Variants in PXDNL observed in about 807,000 individuals in gnomAD.
The protein encoded by PXDNL is probable oxidoreductase PXDNL.
A neutral mutation model predicts 150.8 loss-of-function variants in PXDNL; 145 were observed. The observed-to-expected ratio is 0.96, with a 90% CI of 0.84 to 1.10. PXDNL has a LOEUF of 1.10. PXDNL is among the 50% of genes least tolerant of loss of function. PXDNL has a pLI of 0.00. For missense variants in PXDNL, 2,087 were observed against 1,873.9 expected (o/e 1.11, Z -2.10); for synonymous variants, 757 against 725.7 (o/e 1.04, Z -0.69).
At chr8:51,801,163 T>C (rs758468232) in intron 1 of PXDNL, among the ~76,000 whole-genome samples, 1 of 152,134 alleles carries the variant, frequency 6.6e-6, no homozygotes, top group Non-Finnish European at 1.5e-5. Flanking sequence ...GGGAGGTCTA[T>C]AAACAGCCGC....
At chr8:51,552,449 A>C (rs887524501) in intron 4 of PXDNL, among the ~76,000 whole-genome samples, 1 of 152,180 alleles carries the variant, frequency 6.6e-6, no homozygotes, top group Admixed American at 6.5e-5. Flanking sequence ...TCAACCAACA[A>C]GTGGAAAACG....
At chr8:51,327,135 A>G (rs1008993864) in intron 21 of PXDNL, among the ~76,000 whole-genome samples, 4 of 152,334 alleles carry the variant, frequency 2.6e-5, no homozygotes, top group Admixed American at 2.0e-4. Flanking sequence ...GGAAGATTGA[A>G]AAACTGTGGA....
intron 1 of PXDNL, among the ~76,000 whole-genome samples, chr8:51,749,142 T>G (rs1452455000): frequency 6.6e-6 from 1 of 152,312 alleles, no homozygotes; most frequent in South Asian, 2.1e-4. Context: ...TTGATACTAA[T>G]TATGTAGTAC....
chr8:51,767,380 A>T (rs4626585), intron 1 of PXDNL, among the ~76,000 whole-genome samples: 27,243 of 151,868 alleles, frequency 0.18, 2,853 homozygotes, highest in Non-Finnish European at 0.22. Context: ...TTGCTGCTTG[A>T]TTAGTGATTT....
chr8:51,368,863 G>C (rs1807003169), intron 19 of PXDNL, among the ~76,000 whole-genome samples: 1 of 152,090 alleles, frequency 6.6e-6, no homozygotes. Context: ...GGGCGCAGTG[G>C]TGCGGGCCTG....
chr8:51,606,244 C>G (rs1813836108), intron 2 of PXDNL, among the ~76,000 whole-genome samples: 2 of 152,122 alleles, frequency 1.3e-5, no homozygotes, highest in Admixed American at 1.3e-4. Flanking sequence ...AAAGAGATCT[C>G]AAAAGTTATT....
chr8:51,703,327 C>A (rs534984794), intron 1 of PXDNL, among the ~76,000 whole-genome samples: 31 of 151,456 alleles, frequency 2.0e-4, no homozygotes, highest in Admixed American at 3.9e-4. Flanking sequence ...TTCTTATTAA[C>A]ATCTGTGCAC....
intron 4 of PXDNL, among the ~76,000 whole-genome samples, chr8:51,552,774 T>C (rs1249202428): frequency 6.6e-6 from 1 of 152,144 alleles, no homozygotes; most frequent in Non-Finnish European, 1.5e-5. Flanking sequence ...AAATTACCAC[T>C]AAAGAATTTA....
Position 51,346,046 on chromosome 8 carries a change from A to G in PXDNL, c.3902-99T>C, listed in dbSNP as rs1213596282. The G allele has an allele frequency of 8.4e-6, 6 of 715,434 alleles. No individual in the cohort carries two copies. In the African/African-American group the frequency reaches 1.1e-4, roughly 13 times the overall value. The allele number at this position is 715,434 out of a possible 1,614,324, so 44.3% of individuals were successfully genotyped here. A position where few individuals can be genotyped will look rare whatever the true frequency, so the allele number is the denominator to read the frequency against. On this transcript the variant is annotated intron_variant, in intron 19 of 22. Coordinates refer to ENST00000356297, the MANE Select transcript of PXDNL (RefSeq NM_144651.5). ...AACAGTCAGAGAGGGCAAGAGTACCAAGAAGAAAGAGTAGAGAGCGAGAGT... is the reference window on the plus strand; with the variant it reads ...AACAGTCAGAGAGGGCAAGAGTACCGAGAAGAAAGAGTAGAGAGCGAGAGT...
chr8:51,572,774 A>G (rs574103713), intron 3 of PXDNL, among the ~76,000 whole-genome samples: 10 of 152,008 alleles, frequency 6.6e-5, no homozygotes, highest in Non-Finnish European at 1.5e-4. Context: ...GACAGCTGTG[A>G]TTATTAACTA....
chr8:51,778,480 A>AT (rs2037379037), intron 1 of PXDNL, among the ~76,000 whole-genome samples: 1 of 152,098 alleles, frequency 6.6e-6, no homozygotes, highest in Non-Finnish European at 1.5e-5. Context: ...CTCCACACAC[A>AT]TTTTTTAAGA....
At chr8:51,347,760 C>T (rs1289029749) in intron 19 of PXDNL, among the ~76,000 whole-genome samples, 6 of 148,474 alleles carry the variant, frequency 4.0e-5, no homozygotes, top group African/African-American at 1.3e-4. Context: ...ACTTTTATAA[C>T]GGTGAAGTCA....
At chr8:51,425,402 G>A (rs1809063724) in intron 13 of PXDNL, among the ~76,000 whole-genome samples, 1 of 152,204 alleles carries the variant, frequency 6.6e-6, no homozygotes, top group Non-Finnish European at 1.5e-5. Flanking sequence ...GTCTGCTGAT[G>A]TGATTACATA....
In PXDNL at chr8:51,370,165, C is replaced by G. The variant is rs144753543; in HGVS notation, c.3901+1708G>C. On this transcript the variant is annotated intron_variant, in intron 19 of 22. Transcript: ENST00000356297. ...ATAATAACAACCACCTTGAAAGACT[C>G]AGGACAATTATATGAGCTAGGTGTT... Among the ~76,000 whole-genome samples, 225 of 152,328 alleles carry G rather than the reference C, an allele frequency of 1.5e-3. 1 individual carries two copies. The highest frequency in any genetic ancestry group is 3.5e-3 in the Admixed American group (53 of 15,312).
At chr8:51,637,576 C>T (rs1183775536) in intron 2 of PXDNL, among the ~76,000 whole-genome samples, 1 of 152,126 alleles carries the variant, frequency 6.6e-6, no homozygotes, top group African/African-American at 2.4e-5. Flanking sequence ...GTAGCCGATT[C>T]TATCAACCGG....
At chr8:51,430,426 T>G (rs1809222186) in intron 12 of PXDNL, among the ~76,000 whole-genome samples, 1 of 152,160 alleles carries the variant, frequency 6.6e-6, no homozygotes, top group Non-Finnish European at 1.5e-5. Context: ...TGACTAGAGG[T>G]GACACACATG....
At chr8:51,640,844 GA>G (rs1332839498) in intron 2 of PXDNL, among the ~76,000 whole-genome samples, 1 of 151,568 alleles carries the variant, frequency 6.6e-6, no homozygotes, top group Admixed American at 6.6e-5. Flanking sequence ...CACAGAATTG[GA>G]AAAAACTACT....
chr8:51,368,135 A>G (rs1207821469), intron 19 of PXDNL, among the ~76,000 whole-genome samples: 3 of 152,148 alleles, frequency 2.0e-5, no homozygotes, highest in Non-Finnish European at 4.4e-5. Flanking sequence ...CTCCATCTCA[A>G]AACAAAACAA....
chr8:51,500,480 A>G (rs1043704747), intron 4 of PXDNL, among the ~76,000 whole-genome samples: 1 of 152,254 alleles, frequency 6.6e-6, no homozygotes, highest in Non-Finnish European at 1.5e-5. Context: ...GCATGTTTCC[A>G]AAGCAGACAG....
Sources: gnomAD v4.1 joint callset for allele counts (sites outside exome capture counted in the v4.1 genomes callset) on GRCh38, gnomAD v4.1.1 for gene constraint, MANE v1.5 for transcripts, NCBI Gene and HGNC (gene_info 2026-07-23, HGNC 2026-07-21) for gene names.